The following BACH2 variants were observed in gnomAD, a reference collection of about 807,000 sequenced individuals.
BACH2 encodes transcription regulator protein BACH2.
BACH2 carries 5 observed loss-of-function variants against 61.8 expected under a neutral mutation model. That is an observed-to-expected ratio of 0.08 (90% CI 0.04 to 0.17). The LOEUF (loss-of-function observed/expected upper bound fraction) is 0.17. Among genes scored for constraint, BACH2 ranks in the 10% least tolerant of loss-of-function variants. BACH2 has a pLI of 1.00. For synonymous variants in BACH2, 446 were observed against 440.1 expected (o/e 1.01, Z -0.17); for missense variants, 824 against 1,091.1 (o/e 0.76, Z 3.45).
At chr6:90,126,675 A>G (rs1239023521) in intron 4 of BACH2, among the ~76,000 whole-genome samples, 1 of 152,238 alleles carries the variant, frequency 6.6e-6, no homozygotes, top group African/African-American at 2.4e-5. Context: ...TGTTTGGCAG[A>G]TGTGTTGTGT....
At chr6:90,095,615 C>T (rs765815902) in intron 4 of BACH2, among the ~76,000 whole-genome samples, 6 of 152,148 alleles carry the variant, frequency 3.9e-5, no homozygotes, top group Non-Finnish European at 7.4e-5. Context: ...GCAGGCAGAA[C>T]TACTTGCCAC....
At chr6:89,939,974 T>C (rs924573056) in intron 7 of BACH2, among the ~76,000 whole-genome samples, 2 of 151,852 alleles carry the variant, frequency 1.3e-5, no homozygotes, top group African/African-American at 2.4e-5. Context: ...AGTGTTGGTA[T>C]TACAGGTGGG....
At chr6:89,935,223 C>T (rs1399939803) in intron 8 of BACH2, among the ~76,000 whole-genome samples, 1 of 152,132 alleles carries the variant, frequency 6.6e-6, no homozygotes, top group East Asian at 1.9e-4. Flanking sequence ...ATAGCATCCT[C>T]ACCACAGGGT....
chr6:90,080,759 G>T (rs967273991), intron 5 of BACH2: 4 of 985,166 alleles, frequency 4.1e-6, no homozygotes, highest in Non-Finnish European at 4.8e-6. Context: ...ATCTTTACCT[G>T]TGTGCCTGCT....
chr6:90,268,010 G>T (rs868710511), intron 2 of BACH2, among the ~76,000 whole-genome samples: 304 of 132,938 alleles, frequency 2.3e-3, no homozygotes, highest in African/African-American at 4.0e-3. Flanking sequence ...TGCCTTTTTT[G>T]TTTTTTTTTT....
chr6:90,295,902 G>C (rs895750781), intron 1 of BACH2, among the ~76,000 whole-genome samples: 2 of 152,144 alleles, frequency 1.3e-5, no homozygotes, highest in African/African-American at 4.8e-5. Context: ...GCGGTGGTCC[G>C]GGCCACCCGG....
intron 6 of BACH2, among the ~76,000 whole-genome samples, chr6:89,978,910 G>A (rs1775801899): frequency 6.6e-6 from 1 of 152,140 alleles, no homozygotes; most frequent in African/African-American, 2.4e-5. Flanking sequence ...GAAAGCTCGT[G>A]GGAGCAACTA....
intron 6 of BACH2, among the ~76,000 whole-genome samples, chr6:89,980,344 C>T (rs1452079238): frequency 6.6e-6 from 1 of 152,050 alleles, no homozygotes; most frequent in Non-Finnish European, 1.5e-5. Flanking sequence ...TCACATCATC[C>T]TTGGTAAAAT....
At chr6:90,067,768 T>C (rs1781034299) in intron 5 of BACH2, among the ~76,000 whole-genome samples, 1 of 152,144 alleles carries the variant, frequency 6.6e-6, no homozygotes, top group Admixed American at 6.5e-5. Flanking sequence ...CAAGACATGG[T>C]TGCTTCTCCC....
chr6:90,130,217 G>C (rs959513042), intron 4 of BACH2, among the ~76,000 whole-genome samples: 4 of 152,114 alleles, frequency 2.6e-5, no homozygotes, highest in Non-Finnish European at 5.9e-5. Flanking sequence ...TGGAATTCCT[G>C]CTGGTGTGAT....
At chr6:90,018,353 A>G (rs1034460267) in intron 5 of BACH2, among the ~76,000 whole-genome samples, 2 of 152,200 alleles carry the variant, frequency 1.3e-5, no homozygotes, top group African/African-American at 4.8e-5. Flanking sequence ...CTTCAACTGA[A>G]GAGTCAGCCA....
intron 3 of BACH2, among the ~76,000 whole-genome samples, chr6:90,241,949 A>G (rs1324852149): frequency 8.6e-6 from 1 of 115,706 alleles, no homozygotes; most frequent in Non-Finnish European, 1.9e-5. Context: ...TTTTTTTTTT[A>G]TTAGTAGACT....
intron 3 of BACH2, among the ~76,000 whole-genome samples, chr6:90,231,918 A>C (rs1407237934): frequency 6.6e-6 from 1 of 152,206 alleles, no homozygotes; most frequent in African/African-American, 2.4e-5. Context: ...TATTTTCCAA[A>C]CAGGAGGAAA....
intron 5 of BACH2, among the ~76,000 whole-genome samples, chr6:90,028,089 C>T (rs115785551): frequency 0.01 from 1,541 of 152,272 alleles, 28 homozygotes; most frequent in African/African-American, 0.033. Flanking sequence ...CTGGCAACTT[C>T]GGCCATGACA....
intron 3 of BACH2, among the ~76,000 whole-genome samples, chr6:90,225,743 C>A (rs1562514818): frequency 6.6e-6 from 1 of 152,128 alleles, no homozygotes; most frequent in Non-Finnish European, 1.5e-5. Flanking sequence ...ACCTGCACAT[C>A]CTGCACGTGT....
chr6:90,203,627 C>A (rs1190204233), intron 4 of BACH2, among the ~76,000 whole-genome samples: 1 of 151,960 alleles, frequency 6.6e-6, no homozygotes, highest in Non-Finnish European at 1.5e-5. Flanking sequence ...ACCATTAATG[C>A]CTGTTTACAA....
intron 4 of BACH2, among the ~76,000 whole-genome samples, chr6:90,159,875 T>C (rs1240334970): frequency 6.6e-6 from 1 of 152,174 alleles, no homozygotes; most frequent in Non-Finnish European, 1.5e-5. Context: ...ACTTTTACCC[T>C]AAGGAGCATA....
intron 5 of BACH2, among the ~76,000 whole-genome samples, chr6:90,034,061 A>G (rs1426169874): frequency 6.6e-6 from 1 of 152,094 alleles, no homozygotes; most frequent in Non-Finnish European, 1.5e-5. Flanking sequence ...GTTGTGCTAC[A>G]CCCTGGGTTA....
chr6:89,986,836 G>A (rs1776267162), intron 6 of BACH2, among the ~76,000 whole-genome samples: 1 of 152,194 alleles, frequency 6.6e-6, no homozygotes, highest in Non-Finnish European at 1.5e-5. Flanking sequence ...TGGGATTACA[G>A]CTCAGAGAAT....
Sources: gnomAD v4.1 joint callset for allele counts (sites outside exome capture counted in the v4.1 genomes callset) on GRCh38, gnomAD v4.1.1 for gene constraint, MANE v1.5 for transcripts, NCBI Gene and HGNC (gene_info 2026-07-23, HGNC 2026-07-21) for gene names.